GALNT13: variants seen among roughly 807,000 people sequenced by gnomAD.
GALNT13 encodes UDP-GalNAc:polypeptide N-acetylgalactosaminyltransferase 13.
A neutral mutation model predicts 64.2 loss-of-function variants in GALNT13; 28 were observed. That is an observed-to-expected ratio of 0.44 (90% confidence interval 0.32 to 0.60). The LOEUF (loss-of-function observed/expected upper bound fraction) is 0.60, where lower values mean the gene tolerates loss of function less well. Ranked by LOEUF, GALNT13 falls within the 20% of genes least tolerant of loss-of-function variation. The pLI is 0.05. For synonymous variants in GALNT13, 214 were observed against 224.6 expected (o/e 0.95, Z 0.42); for missense variants, 577 against 669.8 (o/e 0.86, Z 1.53).
At chr2:154,309,547 G>A (rs1045769003) in intron 9 of GALNT13, among the ~76,000 whole-genome samples, 4 of 152,162 alleles carry the variant, frequency 2.6e-5, no homozygotes, top group African/African-American at 9.7e-5. Context: ...ATGGGTATGT[G>A]CAAGGAGACC....
the GALNT13 span, among the ~76,000 whole-genome samples, chr2:153,090,405 G>T: frequency 6.6e-6 from 1 of 152,170 alleles, no homozygotes; most frequent in Non-Finnish European, 1.5e-5. Flanking sequence ...TGTTTAGCTT[G>T]CTAGCTTTCT....
chr2:153,178,732 C>CTTTTTT, the GALNT13 span, among the ~76,000 whole-genome samples: 86 of 98,354 alleles, frequency 8.7e-4, no homozygotes, highest in Non-Finnish European at 1.3e-3. Flanking sequence ...TTCTCTTCTT[C>CTTTTTT]TTTTTTTTTT....
intron 9 of GALNT13, among the ~76,000 whole-genome samples, chr2:154,363,131 T>G (rs1697169513): frequency 6.6e-6 from 1 of 152,202 alleles, no homozygotes; most frequent in Non-Finnish European, 1.5e-5. Context: ...ATCCATTGTT[T>G]GTTTTGCTAA....
At chr2:153,478,464 G>C in the GALNT13 span, 3 of 1,613,580 alleles carry the variant, frequency 1.9e-6, no homozygotes, top group South Asian at 2.2e-5. Flanking sequence ...CGGTCACCAC[G>C]GACGCCTGGG....
the GALNT13 span, among the ~76,000 whole-genome samples, chr2:153,256,986 C>G: frequency 2.6e-5 from 4 of 152,248 alleles, no homozygotes; most frequent in African/African-American, 4.8e-5. Context: ...CCACCCAGTT[C>G]GAGCTTCCCG....
chr2:153,172,586 G>T, the GALNT13 span, among the ~76,000 whole-genome samples: 2 of 152,086 alleles, frequency 1.3e-5, no homozygotes, highest in South Asian at 4.1e-4. Flanking sequence ...GGGCTCTTGG[G>T]CAGGTACCAA....
intron 2 of GALNT13, among the ~76,000 whole-genome samples, chr2:153,931,768 C>T (rs1277229463): frequency 6.6e-6 from 1 of 151,978 alleles, no homozygotes; most frequent in Non-Finnish European, 1.5e-5. Flanking sequence ...TTGCTTTTAC[C>T]TCTATGAGGA....
the GALNT13 span, among the ~76,000 whole-genome samples, chr2:153,646,618 C>G: frequency 6.6e-6 from 1 of 152,104 alleles, no homozygotes; most frequent in Non-Finnish European, 1.5e-5. Flanking sequence ...CCCCCTCCCC[C>G]TACTCCACAA....
intron 3 of GALNT13, among the ~76,000 whole-genome samples, 186 bp downstream of exon 3, chr2:153,944,825 T>G (rs1320799037): frequency 6.6e-6 from 1 of 152,170 alleles, no homozygotes; most frequent in East Asian, 1.9e-4. Context: ...GGCGTCTTCT[T>G]GGAAGAAATA....
chr2:153,137,722 CAA>C, the GALNT13 span, among the ~76,000 whole-genome samples: 281 of 105,472 alleles, frequency 2.7e-3, no homozygotes, highest in Middle Eastern at 0.01. Context: ...GATGGAGCCT[CAA>C]AAAAAAAAAA....
chr2:153,912,722 T>A (rs752876593), intron 2 of GALNT13, among the ~76,000 whole-genome samples: 1 of 152,156 alleles, frequency 6.6e-6, no homozygotes, highest in Non-Finnish European at 1.5e-5. Context: ...TAATTCTGGG[T>A]GACTCTTATT....
chr2:154,328,427 C>T (rs954032447), intron 9 of GALNT13, among the ~76,000 whole-genome samples: 1 of 152,036 alleles, frequency 6.6e-6, no homozygotes, highest in Non-Finnish European at 1.5e-5. Flanking sequence ...TTATTTTTCC[C>T]TGCTGCCAAT....
At chr2:154,365,255 C>T (rs1003197273) in intron 9 of GALNT13, among the ~76,000 whole-genome samples, 12 of 152,154 alleles carry the variant, frequency 7.9e-5, no homozygotes, top group Middle Eastern at 3.4e-3. Context: ...AGAATAGATA[C>T]GTTTTTTCCT....
chr2:153,478,934 C>G, the GALNT13 span: 1 of 253,392 alleles, frequency 3.9e-6, no homozygotes, highest in Non-Finnish European at 7.5e-6. Context: ...GCCGCACCGC[C>G]GCGCTGCGCG....
At chr2:153,895,622 T>G (rs889765006) in intron 1 of GALNT13, among the ~76,000 whole-genome samples, 4 of 152,106 alleles carry the variant, frequency 2.6e-5, no homozygotes, top group African/African-American at 9.7e-5. Context: ...TTGTCATGAC[T>G]ATAACTGGCT....
chr2:154,257,521 A>G (rs1383646912), intron 7 of GALNT13: 2 of 152,174 alleles, frequency 1.3e-5, no homozygotes, highest in African/African-American at 4.8e-5. Context: ...CTACTTCCTA[A>G]TTACCATCTG....
At chr2:153,173,155 G>C in the GALNT13 span, 4 of 152,030 alleles carry the variant, frequency 2.6e-5, no homozygotes, top group African/African-American at 9.7e-5. Flanking sequence ...AGACTACTTA[G>C]ACATAAACCA....
chr2:154,148,294 A>G lies in GALNT13; in HGVS notation c.311+7789A>G, dbSNP rs543747512. On this transcript the variant is annotated intron_variant, in intron 4 of 12. Transcript: ENST00000392825. ...GGCTGCATAGTATTCCATGGTGTAT[A>G]TGTGCCACATTTTCTTAATCCAGTC... 3.0e-3 allele frequency among the ~76,000 whole-genome samples: 449 copies of G among 151,866 alleles called. 1 individual carries two copies. The highest frequency in any genetic ancestry group is 4.7e-3 in the Non-Finnish European group (321 of 67,844).
the GALNT13 span, among the ~76,000 whole-genome samples, chr2:153,731,865 A>G: frequency 6.6e-6 from 1 of 151,984 alleles, no homozygotes; most frequent in African/African-American, 2.4e-5. Flanking sequence ...GACTAAATGC[A>G]GACAAGTGTT....
Sources: gnomAD v4.1 joint callset for allele counts (sites outside exome capture counted in the v4.1 genomes callset) on GRCh38, gnomAD v4.1.1 for gene constraint, MANE v1.5 for transcripts, NCBI Gene and HGNC (gene_info 2026-07-23, HGNC 2026-07-21) for gene names.